CDH4: variants seen among roughly 807,000 people sequenced by gnomAD.
CDH4 encodes the protein cadherin 4.
A neutral mutation model predicts 86.0 loss-of-function variants in CDH4; 33 were observed. The ratio of observed to expected loss-of-function variants is 0.38; its 90% CI spans 0.29 to 0.51. The LOEUF is 0.51. Ranked by LOEUF, CDH4 falls within the 20% of genes least tolerant of loss-of-function variation. CDH4 has a pLI of 0.86. For missense variants in CDH4, 1,114 were observed against 1,307.4 expected (o/e 0.85, Z 2.28); for synonymous variants, 555 against 549.4 (o/e 1.01, Z -0.14).
At chr20:61,892,712 C>T (rs1357083079) in intron 7 of CDH4, among the ~76,000 whole-genome samples, 2 of 152,102 alleles carry the variant, frequency 1.3e-5, no homozygotes, top group Non-Finnish European at 2.9e-5. Context: ...CTAAAACAAC[C>T]ACCATTTATT....
chr20:61,573,696 C>T (rs531117575), intron 2 of CDH4, among the ~76,000 whole-genome samples: 6 of 152,318 alleles, frequency 3.9e-5, no homozygotes, highest in Middle Eastern at 6.8e-3. Flanking sequence ...CCCATCCACA[C>T]GGGGTTCCTG....
In CDH4 at chr20:61,811,803, C is replaced by G. The variant is rs1426047383; in HGVS notation, c.577-32865C>G. Among the ~76,000 whole-genome samples the G allele has an allele frequency of 6.6e-6, 1 of 151,920 alleles. No homozygotes were observed. Among genetic ancestry groups the G allele is most frequent in the Non-Finnish European group, 1.5e-5 (1 of 68,008 alleles). Reference sequence around the variant, plus strand: ...TCTCCTGCCTCAGCCTCCCATGTAGCTGGTACTACAGGCACACGTCACCAT... The same window carrying G: ...TCTCCTGCCTCAGCCTCCCATGTAGGTGGTACTACAGGCACACGTCACCAT... On this transcript the variant is annotated intron_variant, in intron 4 of 15. Coordinates refer to ENST00000614565, the MANE Select transcript of CDH4 (RefSeq NM_001794.5). The surrounding 1 kb of genome is among the most constrained non-coding windows in gnomAD (Gnocchi z 4.4).
chr20:61,385,578 T>C (rs1186611021), intron 2 of CDH4, among the ~76,000 whole-genome samples: 6 of 152,178 alleles, frequency 3.9e-5, no homozygotes, highest in Admixed American at 3.9e-4. Context: ...ATTTCTGCCC[T>C]ACCATATTGC....
At chr20:61,495,138 T>C (rs1035281712) in intron 2 of CDH4, among the ~76,000 whole-genome samples, 2 of 152,242 alleles carry the variant, frequency 1.3e-5, no homozygotes, top group African/African-American at 4.8e-5. Flanking sequence ...GCCGATGCTA[T>C]TTGTTGAGGT....
chr20:61,792,964 T>TTTTTG (rs1247109437), intron 4 of CDH4, among the ~76,000 whole-genome samples: 1 of 150,694 alleles, frequency 6.6e-6, no homozygotes, highest in African/African-American at 2.4e-5. Context: ...GTTTTTTTTG[T>TTTTTG]TTTTGTTTTT....
intron 2 of CDH4, among the ~76,000 whole-genome samples, chr20:61,661,986 G>T (rs1480395627): frequency 6.6e-6 from 1 of 152,146 alleles, no homozygotes; most frequent in Non-Finnish European, 1.5e-5. Flanking sequence ...AATTCTTCCA[G>T]GGTACATGTT....
At chr20:61,496,263 A>T (rs2085661658) in intron 2 of CDH4, among the ~76,000 whole-genome samples, 1 of 152,172 alleles carries the variant, frequency 6.6e-6, no homozygotes, top group East Asian at 1.9e-4. Context: ...TTAGCTGGGC[A>T]TGGTGGTGTG....
At chr20:61,301,496 C>G (rs1041861875) in intron 2 of CDH4, among the ~76,000 whole-genome samples, 2 of 152,332 alleles carry the variant, frequency 1.3e-5, no homozygotes, top group African/African-American at 4.8e-5. Context: ...CGCGAGGCCT[C>G]TTGCCTTGGT....
intron 2 of CDH4, among the ~76,000 whole-genome samples, chr20:61,545,365 G>T (rs1246161539): frequency 6.6e-6 from 1 of 152,250 alleles, no homozygotes; most frequent in Non-Finnish European, 1.5e-5. Context: ...CCGTGGGCTG[G>T]AACTTTGGCC....
chr20:61,368,419 C>T (rs1600907210), intron 2 of CDH4, among the ~76,000 whole-genome samples: 1 of 152,158 alleles, frequency 6.6e-6, no homozygotes, highest in Non-Finnish European at 1.5e-5. Flanking sequence ...AGAAAGGCAC[C>T]GTCTGTGAAC....
rs140510264 is a variant in CDH4 at position 61,853,603 on chromosome 20, G to A, written c.877+705G>A. ...CGTCTGTGACTGCCAAGAAGTGGAC[G>A]ACCCCCACCAGCAGTGAGGAGGCTC... On this transcript the variant is annotated intron_variant, in intron 6 of 15. Transcript: ENST00000614565. 5.3e-5 allele frequency among the ~76,000 whole-genome samples: 8 copies of A among 152,274 alleles called. No homozygotes were observed. The East Asian group carries it at 1.4e-3, about 26-fold the overall frequency.
Position 61,773,019 on chromosome 20 carries a change from A to C in CDH4, c.413A>C (p.Lys138Thr). The change falls in exon 4 of 16, where the codon AAG (lysine) becomes ACG (threonine). Residue 138 changes from lysine (K) to threonine (T), a missense_variant. This residue lies in a region of CDH4 where 221 missense variants were observed against 209.5 expected (regional missense o/e 1.05). Coordinates refer to ENST00000614565, the MANE Select transcript of CDH4 (RefSeq NM_001794.5). ...HSGHKPQKGK[K>T]VVALDPSPPP... is the part of the protein sequence containing the mutation. Reference sequence around the variant, plus strand: ...CAAATAAAGCCGCAGAAAGGAAAGAAGGTCGTGGCTCTGGACCCCTCTCCG... The same window carrying C: ...CAAATAAAGCCGCAGAAAGGAAAGACGGTCGTGGCTCTGGACCCCTCTCCG... 6.2e-7 allele frequency: 1 copy of C among 1,609,318 alleles called. No individual in the cohort carries two copies. The highest frequency in any genetic ancestry group is 8.5e-7 in the Non-Finnish European group (1 of 1,176,764).
intron 3 of CDH4, among the ~76,000 whole-genome samples, chr20:61,768,412 T>C (rs188596542): frequency 3.4e-4 from 52 of 152,322 alleles, no homozygotes; most frequent in African/African-American, 1.2e-3. Flanking sequence ...TGTATACACA[T>C]GTGCGCATGT....
intron 2 of CDH4, among the ~76,000 whole-genome samples, chr20:61,509,619 G>C (rs2085765650): frequency 6.6e-6 from 1 of 151,848 alleles, no homozygotes; most frequent in Non-Finnish European, 1.5e-5. Context: ...CAAGGCCAGA[G>C]GTGCATGCAC....
intron 4 of CDH4, among the ~76,000 whole-genome samples, chr20:61,828,796 G>A (rs567170451): frequency 6.6e-5 from 10 of 152,214 alleles, no homozygotes; most frequent in Non-Finnish European, 1.3e-4. Flanking sequence ...CTGCCTCAGC[G>A]TATGCTTGTA....
intron 10 of CDH4, 92 bp downstream of exon 10, chr20:61,923,796 G>C (rs1352971786): frequency 2.5e-5 from 37 of 1,490,940 alleles, no homozygotes; most frequent in Non-Finnish European, 3.1e-5. Context: ...CCACAGCCCA[G>C]AATTCCCCCA....
chr20:61,491,755 G>A (rs1029544330), intron 2 of CDH4, among the ~76,000 whole-genome samples: 5 of 152,154 alleles, frequency 3.3e-5, no homozygotes, highest in Non-Finnish European at 5.9e-5. Context: ...TGTTGCTGAT[G>A]TTGGTGCCAT....
chr20:61,487,280 G>A (rs1242380427), intron 2 of CDH4, among the ~76,000 whole-genome samples: 1 of 152,206 alleles, frequency 6.6e-6, no homozygotes, highest in African/African-American at 2.4e-5. Context: ...TGCGGGGGAA[G>A]GGGGCTTCGT....
chr20:61,289,179 G>C (rs1478673281), intron 2 of CDH4, among the ~76,000 whole-genome samples: 1 of 152,208 alleles, frequency 6.6e-6, no homozygotes, highest in Non-Finnish European at 1.5e-5. Flanking sequence ...CCCTGCCATT[G>C]CTTGGTGGGC....
Sources: allele counts gnomAD v4.1 joint callset (sites outside exome capture counted in the v4.1 genomes callset), GRCh38; gene constraint gnomAD v4.1.1; regional missense constraint gnomAD v4.1.1; non-coding constraint Gnocchi (gnomAD v3.1); transcripts MANE v1.5; gene names NCBI Gene and HGNC (gene_info 2026-07-23, HGNC 2026-07-21).